EYS: variants seen among roughly 807,000 people sequenced by gnomAD.
EYS encodes the protein protein eyes shut homolog.
A neutral mutation model predicts 282.1 loss-of-function variants in EYS; 250 were observed. That is an observed-to-expected ratio of 0.89 (90% CI 0.80 to 0.98). The LOEUF is 0.98. EYS is among the 50% of genes least tolerant of loss of function. The pLI, the probability that EYS is intolerant of heterozygous loss-of-function variation, is 0.00. For synonymous variants in EYS, 1,355 were observed against 1,282.9 expected (o/e 1.06, Z -1.20); for missense variants, 4,016 against 3,709.0 (o/e 1.08, Z -2.15).
chr6:64,229,333 G>T (rs1309630889), intron 31 of EYS, among the ~76,000 whole-genome samples: 1 of 151,992 alleles, frequency 6.6e-6, no homozygotes, highest in Non-Finnish European at 1.5e-5. Flanking sequence ...AAATTAAAAA[G>T]ATAAAAAGCC....
At chr6:64,611,342 C>A (rs1464077126) in intron 24 of EYS, among the ~76,000 whole-genome samples, 1 of 152,140 alleles carries the variant, frequency 6.6e-6, no homozygotes, top group Non-Finnish European at 1.5e-5. Flanking sequence ...TAGGAGGAAG[C>A]CATTATCTTT....
At chr6:65,316,914 A>G (rs1034789645) in intron 11 of EYS, among the ~76,000 whole-genome samples, 1 of 152,160 alleles carries the variant, frequency 6.6e-6, no homozygotes, top group Non-Finnish European at 1.5e-5. Context: ...AGTCTTTGCT[A>G]TTGTGAACAG....
intron 2 of EYS, among the ~76,000 whole-genome samples, chr6:65,579,567 G>A (rs1439740862): frequency 6.6e-6 from 1 of 151,996 alleles, no homozygotes; most frequent in East Asian, 1.9e-4. Flanking sequence ...GTTCTGGTGA[G>A]GCCTCTCTTT....
At chr6:65,496,802 A>G (rs1218846408) in intron 2 of EYS, among the ~76,000 whole-genome samples, 3 of 152,202 alleles carry the variant, frequency 2.0e-5, no homozygotes, top group Middle Eastern at 6.8e-3. Context: ...ACTGTACTAT[A>G]AAGATCAATT....
At chr6:64,692,710 C>A (rs906750330) in intron 22 of EYS, among the ~76,000 whole-genome samples, 5 of 152,150 alleles carry the variant, frequency 3.3e-5, no homozygotes, top group African/African-American at 1.2e-4. Flanking sequence ...CTACATATGG[C>A]TATCCAGTTA....
rs140093619 is a variant in EYS at position 64,026,030 on chromosome 6, A to G, written c.6726-26847T>C. Among the ~76,000 whole-genome samples the G allele has an allele frequency of 7.1e-3, 1,087 of 152,292 alleles. 16 individuals carry two copies. Among genetic ancestry groups the G allele is most frequent in the African/African-American group, 0.024 (995 of 41,572 alleles). ...AGAATGCCTCAGTAGGGACTACTAA[A>G]TCCAACCTTCCTTGGTCCTCCATGT... is the stretch of plus-strand genomic sequence containing the variant. On this transcript the variant is annotated intron_variant, in intron 33 of 42. Transcript: ENST00000503581.
intron 19 of EYS, among the ~76,000 whole-genome samples, chr6:64,823,868 G>A (rs551423052): frequency 1.6e-4 from 25 of 151,952 alleles, no homozygotes; most frequent in Admixed American, 1.4e-3. Flanking sequence ...GTAATACCGT[G>A]GATACCAATT....
chr6:65,398,099 G>T (rs540785010), intron 7 of EYS, among the ~76,000 whole-genome samples: 1 of 151,898 alleles, frequency 6.6e-6, no homozygotes, highest in East Asian at 1.9e-4. Flanking sequence ...TTTTTAGTGG[G>T]GTTATTTGAT....
intron 7 of EYS, among the ~76,000 whole-genome samples, chr6:65,401,881 A>G (rs1176607209): frequency 6.6e-6 from 1 of 151,974 alleles, no homozygotes; most frequent in Non-Finnish European, 1.5e-5. Context: ...AAGTGTGAAG[A>G]GTATAAATTG....
intron 28 of EYS, among the ~76,000 whole-genome samples, chr6:64,430,966 G>C (rs1774558643): frequency 6.6e-6 from 1 of 152,128 alleles, no homozygotes. Context: ...ACAAAGGATT[G>C]TACAGAATGC....
chr6:65,477,341 G>C (rs1408413089), intron 5 of EYS, among the ~76,000 whole-genome samples: 1 of 152,108 alleles, frequency 6.6e-6, no homozygotes, highest in Non-Finnish European at 1.5e-5. Context: ...TGTCACACCT[G>C]TTTAGTTGAA....
At chr6:64,713,310 T>A (rs1449400816) in intron 22 of EYS, 3 of 152,078 alleles carry the variant, frequency 2.0e-5, no homozygotes, top group African/African-American at 7.2e-5. Flanking sequence ...CATAAGCTGG[T>A]CTGGATTGGA....
chr6:64,686,742 A>AATATATATATATATATGTGTGT (rs1770121334), intron 22 of EYS, among the ~76,000 whole-genome samples: 1 of 33,712 alleles, frequency 3.0e-5, no homozygotes, highest in African/African-American at 6.8e-5. Context: ...ATTCCATCTA[A>AATATATATATATATATGTGTGT]ATATATATAT....
At chr6:65,365,766 T>C (rs1200987703) in intron 8 of EYS, among the ~76,000 whole-genome samples, 2 of 151,734 alleles carry the variant, frequency 1.3e-5, no homozygotes, top group Admixed American at 6.7e-5. Flanking sequence ...CACCAAAACT[T>C]ACTGAGGCTA....
chr6:64,800,995 A>T (rs1774530090), intron 22 of EYS, among the ~76,000 whole-genome samples: 1 of 152,042 alleles, frequency 6.6e-6, no homozygotes, highest in Non-Finnish European at 1.5e-5. Flanking sequence ...CGCCCCTCTC[A>T]TCTGAATGAA....
intron 12 of EYS, among the ~76,000 whole-genome samples, chr6:65,131,651 C>T (rs1304314993): frequency 1.3e-5 from 2 of 151,800 alleles, no homozygotes; most frequent in Admixed American, 6.6e-5. Context: ...TACCTAACAT[C>T]ACAACTGAAA....
intron 28 of EYS, among the ~76,000 whole-genome samples, chr6:64,391,347 A>G (rs2150427551): frequency 6.6e-6 from 1 of 152,278 alleles, no homozygotes; most frequent in East Asian, 1.9e-4. Context: ...GTTGAAATAA[A>G]GGAAAAAATG....
intron 35 of EYS, among the ~76,000 whole-genome samples, chr6:63,945,103 T>C (rs2149760574): frequency 6.6e-6 from 1 of 152,294 alleles, no homozygotes; most frequent in African/African-American, 2.4e-5. Context: ...ATTAGTACTT[T>C]CTCACACTGC....
intron 33 of EYS, among the ~76,000 whole-genome samples, chr6:64,001,230 C>T (rs930182885): frequency 1.3e-5 from 2 of 152,174 alleles, no homozygotes; most frequent in African/African-American, 4.8e-5. Flanking sequence ...GTGAGAATCA[C>T]ATTATTTAAT....
Sources: gnomAD v4.1 joint callset for allele counts (sites outside exome capture counted in the v4.1 genomes callset) on GRCh38, gnomAD v4.1.1 for gene constraint, MANE v1.5 for transcripts, NCBI Gene and HGNC (gene_info 2026-07-23, HGNC 2026-07-21) for gene names.